ATL3: variants seen among roughly 807,000 people sequenced by gnomAD.
The protein encoded by ATL3 is atlastin GTPase 3.
Under a neutral mutation model 69.5 loss-of-function variants are expected in ATL3, and 49 were observed. The ratio of observed to expected loss-of-function variants is 0.71; its 90% CI spans 0.56 to 0.89. ATL3 has a LOEUF of 0.89. ATL3 is among the 40% of genes least tolerant of loss of function. The pLI, the probability that ATL3 is intolerant of heterozygous loss-of-function variation, is 0.00. For missense variants in ATL3, 606 were observed against 645.7 expected, an observed-to-expected ratio of 0.94 and a Z score of 0.67; for synonymous variants, 214 against 224.1, an observed-to-expected ratio of 0.95 and a Z score of 0.40.
At chr11:63,635,103 G>A (rs998756895) in intron 10 of ATL3, among the ~76,000 whole-genome samples, 6 of 151,728 alleles carry the variant, frequency 4.0e-5, no homozygotes, top group Admixed American at 2.0e-4. Flanking sequence ...TGGAGGTTGC[G>A]GTGAGCCAAG....
intron 8 of ATL3, 26 bp downstream of exon 8, chr11:63,643,331 G>A: frequency 6.4e-7 from 1 of 1,559,800 alleles, no homozygotes; most frequent in Non-Finnish European, 8.7e-7. Flanking sequence ...TCGAATCACA[G>A]GTTTAAAATA....
intron 8 of ATL3, among the ~76,000 whole-genome samples, chr11:63,637,946 G>C (rs1384067880): frequency 6.6e-6 from 1 of 152,184 alleles, no homozygotes; most frequent in Admixed American, 6.5e-5. Context: ...AAAAATGGAA[G>C]AGAGACTTTT....
chr11:63,651,868 G>A, intron 5 of ATL3, 68 bp downstream of exon 5: 1 of 1,524,874 alleles, frequency 6.6e-7, no homozygotes, highest in Non-Finnish European at 8.8e-7. Context: ...CTACTCAGTT[G>A]TAAAATGTTC....
intron 5 of ATL3, among the ~76,000 whole-genome samples, chr11:63,647,182 ACTT>A (rs1401464201): frequency 1.3e-5 from 2 of 152,022 alleles, no homozygotes; most frequent in Non-Finnish European, 2.9e-5. Flanking sequence ...AATATTTCCT[ACTT>A]CGTGTCTTTA....
At chr11:63,657,548 A>T (rs985629815) in intron 3 of ATL3, among the ~76,000 whole-genome samples, 3 of 152,262 alleles carry the variant, frequency 2.0e-5, no homozygotes, top group Non-Finnish European at 4.4e-5. Context: ...GTAACACATA[A>T]GAGCATCAGC....
intron 1 of ATL3, among the ~76,000 whole-genome samples, chr11:63,668,790 C>CTTTTTTT (rs386373974): frequency 7.4e-5 from 6 of 81,500 alleles, no homozygotes; most frequent in Non-Finnish European, 9.1e-5. Context: ...AGCTGTGTTC[C>CTTTTTTT]TTTTTTTTTT....
chr11:63,661,250 G>A (rs1009529668), intron 1 of ATL3, among the ~76,000 whole-genome samples: 1 of 151,100 alleles, frequency 6.6e-6, no homozygotes, highest in Non-Finnish European at 1.5e-5. Context: ...GGAAATGAAG[G>A]CTTATGAAGG....
In ATL3 at chr11:63,625,419, A is replaced by C. The variant is rs1164427137; in HGVS notation, c.*3900T>G. On this transcript the variant is annotated 3_prime_UTR_variant, in exon 13 of 13. Coordinates refer to ENST00000398868, the MANE Select transcript of ATL3 (RefSeq NM_015459.5). ...CATCATTTTTTAAAAGAACCTAGCA[A>C]AAAATTAAAAACTGTTTTATTAAAG... The C allele has an allele frequency of 2.0e-5, 3 of 152,228 alleles. No individual in the cohort carries two copies. The highest frequency in any genetic ancestry group is 7.2e-5 in the African/African-American group (3 of 41,470). 9.4% of individuals were successfully genotyped at this position (152,228 alleles called of 1,614,324 possible). A position where few individuals can be genotyped will look rare whatever the true frequency, so the allele number is the denominator to read the frequency against.
chr11:63,659,055 G>A lies in ATL3; in HGVS notation c.244C>T (p.Arg82Ter), dbSNP rs772705343. ...TATCTTACCTGAGAATATAAGTATCGTAGCATAAAATCCAGAATGAAGGAC... is the reference window on the plus strand; with the variant it reads ...TATCTTACCTGAGAATATAAGTATCATAGCATAAAATCCAGAATGAAGGAC... ...GKSFILDFMLRYLYSQKESGH... is the reference protein window; with the variant it reads ...GKSFILDFML Residue 82 changes from arginine to a stop codon, truncating the protein, a stop_gained, in exon 2 of 13, where the codon CGA becomes TGA. Transcript: ENST00000398868. LOFTEE classifies it high-confidence loss of function. The A allele has an allele frequency of 1.1e-5, 18 of 1,613,680 alleles. No individual in the cohort carries two copies. The highest frequency in any genetic ancestry group is 2.2e-5 in the East Asian group (1 of 44,892).
At chr11:63,653,813 T>A (rs914982655) in intron 3 of ATL3, among the ~76,000 whole-genome samples, 6 of 152,146 alleles carry the variant, frequency 3.9e-5, no homozygotes, top group Non-Finnish European at 8.8e-5. Context: ...AGTAAAAAGA[T>A]CAGTGGAGGA....
intron 1 of ATL3, among the ~76,000 whole-genome samples, chr11:63,665,293 C>A (rs987040885): frequency 6.0e-5 from 9 of 149,226 alleles, no homozygotes; most frequent in Non-Finnish European, 1.3e-4. Context: ...TTGCGGTGAG[C>A]TGAGATTAAG....
intron 1 of ATL3, among the ~76,000 whole-genome samples, chr11:63,669,321 G>C (rs1940697292): frequency 6.6e-6 from 1 of 151,960 alleles, no homozygotes; most frequent in African/African-American, 2.4e-5. Context: ...GATCACCTGA[G>C]GTCAGGAGTT....
intron 1 of ATL3, among the ~76,000 whole-genome samples, chr11:63,668,190 G>A (rs574153838): frequency 2.6e-5 from 4 of 152,224 alleles, no homozygotes; most frequent in Non-Finnish European, 5.9e-5. Flanking sequence ...TCTCCAAAGG[G>A]CAAGAGCAAC....
chr11:63,666,965 T>A (rs551711296), intron 1 of ATL3, among the ~76,000 whole-genome samples: 1 of 152,346 alleles, frequency 6.6e-6, no homozygotes, highest in Admixed American at 6.5e-5. Flanking sequence ...TTTATGTGAA[T>A]TTACAACATA....
rs1221221295 is a variant in ATL3 at position 63,658,849 on chromosome 11, A to T, written c.317T>A (p.Phe106Tyr). 7 of 1,612,442 alleles carry T rather than the reference A, an allele frequency of 4.3e-6. No homozygotes were observed. The highest frequency in any genetic ancestry group is 5.9e-6 in the Non-Finnish European group (7 of 1,179,388). ...LGDPEEPLTG[F>Y]SWRGGSDPET... ...TGGATCAGATCCCCCTCTCCAGGAA[A>T]ATCCTGTTAACGGTTCTTCTGGGTC... Residue 106 changes from phenylalanine (F) to tyrosine (Y), a missense_variant, in exon 3 of 13, where the codon TTT (phenylalanine) becomes TAT (tyrosine). By Grantham distance (22) the Phe-to-Tyr change is conservative. Transcript: ENST00000398868.
chr11:63,666,002 C>G (rs1472865626), intron 1 of ATL3, among the ~76,000 whole-genome samples: 1 of 152,088 alleles, frequency 6.6e-6, no homozygotes, highest in Non-Finnish European at 1.5e-5. Context: ...TTTTTTAAGA[C>G]TGGGTCTCAC....
intron 11 of ATL3, 119 bp from the exon 12 acceptor site, chr11:63,631,590 G>C: frequency 1.1e-6 from 1 of 945,150 alleles, no homozygotes. Context: ...GTATTAATAA[G>C]TTAACTTTTA....
chr11:63,656,173 G>A (rs1344767239), intron 3 of ATL3, among the ~76,000 whole-genome samples: 7 of 150,704 alleles, frequency 4.6e-5, no homozygotes, highest in East Asian at 2.0e-4. Context: ...GCAGTGAGCC[G>A]AGATCACGCC....
intron 3 of ATL3, among the ~76,000 whole-genome samples, chr11:63,658,119 G>A (rs1940314231): frequency 6.6e-6 from 1 of 152,168 alleles, no homozygotes; most frequent in Non-Finnish European, 1.5e-5. Context: ...GCCTCCCAAA[G>A]TGTTGGTATT....
Sources: gnomAD v4.1 joint callset for allele counts (sites outside exome capture counted in the v4.1 genomes callset) on GRCh38, gnomAD v4.1.1 for gene constraint, MANE v1.5 for transcripts, NCBI Gene and HGNC (gene_info 2026-07-23, HGNC 2026-07-21) for gene names.